FBXO4: variants seen among roughly 807,000 people sequenced by gnomAD.
The protein encoded by FBXO4 is F-box only protein 4.
In FBXO4, 36 loss-of-function variants were observed where a neutral mutation model predicts 43.7. The ratio of observed to expected loss-of-function variants is 0.82; its 90% CI spans 0.63 to 1.09. The LOEUF (loss-of-function observed/expected upper bound fraction) is 1.09. Ranked by LOEUF, FBXO4 falls within the 50% of genes least tolerant of loss-of-function variation. FBXO4 has a pLI of 0.00. For missense variants in FBXO4, 435 were observed against 474.1 expected, an observed-to-expected ratio of 0.92 and a Z score of 0.77; for synonymous variants, 180 against 165.6, an observed-to-expected ratio of 1.09 and a Z score of -0.67.
At chr5:41,964,074 T>C in the FBXO4 span, 1 of 152,104 alleles carries the variant, frequency 6.6e-6, no homozygotes. Flanking sequence ...ATAAGGAAAT[T>C]CCTCTGATGT....
At chr5:41,938,983 C>T (rs533061355) in intron 5 of FBXO4, among the ~76,000 whole-genome samples, 6 of 152,288 alleles carry the variant, frequency 3.9e-5, no homozygotes, top group East Asian at 3.9e-4. Context: ...TAAAGTCAAC[C>T]GTGTCTTAAA....
the FBXO4 span, among the ~76,000 whole-genome samples, chr5:41,965,907 C>G: frequency 6.6e-6 from 1 of 152,164 alleles, no homozygotes; most frequent in Non-Finnish European, 1.5e-5. Flanking sequence ...CCCAAATGTC[C>G]AACCATGATA....
At chr5:42,005,736 C>A in the FBXO4 span, among the ~76,000 whole-genome samples, 2 of 152,114 alleles carry the variant, frequency 1.3e-5, no homozygotes, top group Non-Finnish European at 2.9e-5. Flanking sequence ...CCCTTCCTTA[C>A]CAGTAGGGGG....
the FBXO4 span, among the ~76,000 whole-genome samples, chr5:42,004,765 G>T: frequency 6.6e-6 from 1 of 152,082 alleles, no homozygotes; most frequent in East Asian, 1.9e-4. Flanking sequence ...AAGTTTCTAC[G>T]CTTCAAATTC....
chr5:41,934,123 T>A lies in FBXO4; in HGVS notation c.723-10T>A, dbSNP rs367757201. The stretch of plus-strand genomic sequence containing the variant: ...CTTTTTATATTCTGTCTTTACAATT[T>A]TTTTTCTAGAAAGGAAAGAGATAGA... On this transcript the variant is annotated splice_polypyrimidine_tract_variant and intron_variant, in intron 4 of 6. Transcript: ENST00000281623. The A allele has an allele frequency of 2.5e-6, 4 of 1,613,628 alleles. No homozygotes were observed. In the African/African-American group the frequency reaches 5.3e-5, roughly 22 times the overall value.
chr5:42,015,142 CT>C, the FBXO4 span, among the ~76,000 whole-genome samples: 2 of 152,106 alleles, frequency 1.3e-5, no homozygotes, highest in Admixed American at 1.3e-4. Flanking sequence ...AAAAGCAACT[CT>C]TTCTTTAATT....
the FBXO4 span, among the ~76,000 whole-genome samples, chr5:42,019,227 A>G: frequency 6.6e-6 from 1 of 152,326 alleles, no homozygotes; most frequent in South Asian, 2.1e-4. Context: ...TGCTGTAAAT[A>G]TAAAATACAT....
the FBXO4 span, among the ~76,000 whole-genome samples, chr5:42,039,992 T>C: frequency 1.3e-5 from 2 of 152,108 alleles, no homozygotes; most frequent in African/African-American, 4.8e-5. Flanking sequence ...AAGAGGAAAC[T>C]GAGCCTCAGA....
At chr5:42,024,303 A>T in the FBXO4 span, among the ~76,000 whole-genome samples, 11 of 152,242 alleles carry the variant, frequency 7.2e-5, 1 homozygote, top group Non-Finnish European at 1.0e-4. Flanking sequence ...TCTTTCTAAA[A>T]GGTAATCATA....
the FBXO4 span, among the ~76,000 whole-genome samples, chr5:42,034,774 G>T: frequency 6.6e-6 from 1 of 152,148 alleles, no homozygotes; most frequent in Non-Finnish European, 1.5e-5. Context: ...TATCCTTGTA[G>T]TATAGTTTGA....
chr5:42,035,196 C>T, the FBXO4 span, among the ~76,000 whole-genome samples: 14 of 152,134 alleles, frequency 9.2e-5, no homozygotes, highest in Non-Finnish European at 1.6e-4. Flanking sequence ...GCTGAAGTTG[C>T]TTATCGGCTT....
At chr5:41,980,948 C>A in the FBXO4 span, among the ~76,000 whole-genome samples, 44 of 151,988 alleles carry the variant, frequency 2.9e-4, 1 homozygote, top group African/African-American at 8.9e-4. Context: ...GTCATTTAGA[C>A]CTTTTCTATA....
the FBXO4 span, among the ~76,000 whole-genome samples, chr5:42,032,528 G>A: frequency 2.0e-5 from 3 of 152,112 alleles, no homozygotes; most frequent in East Asian, 1.9e-4. Flanking sequence ...TAGACAATGG[G>A]AACTACTGCC....
the FBXO4 span, among the ~76,000 whole-genome samples, chr5:42,031,758 C>G: frequency 6.6e-6 from 1 of 151,942 alleles, no homozygotes; most frequent in Non-Finnish European, 1.5e-5. Context: ...TCTTCAGTGT[C>G]TGGCATTGAA....
At chr5:42,021,655 A>T in the FBXO4 span, among the ~76,000 whole-genome samples, 12 of 152,162 alleles carry the variant, frequency 7.9e-5, no homozygotes, top group African/African-American at 2.9e-4. Context: ...CTTAGAATTT[A>T]GGTGATGATT....
the FBXO4 span, among the ~76,000 whole-genome samples, chr5:42,039,710 G>A: frequency 1.8e-4 from 28 of 152,148 alleles, no homozygotes; most frequent in East Asian, 5.8e-4. Flanking sequence ...TAGTACTTCC[G>A]TGATAATGTT....
the FBXO4 span, among the ~76,000 whole-genome samples, chr5:42,036,121 G>A: frequency 1.3e-5 from 2 of 152,078 alleles, no homozygotes; most frequent in Non-Finnish European, 2.9e-5. Context: ...ATTACTTTGA[G>A]AACCACTGGG....
At chr5:42,037,385 T>C in the FBXO4 span, among the ~76,000 whole-genome samples, 1 of 152,192 alleles carries the variant, frequency 6.6e-6, no homozygotes, top group Admixed American at 6.6e-5. Flanking sequence ...TCATAAAATC[T>C]AAGCATATTA....
chr5:42,037,544 A>C, the FBXO4 span, among the ~76,000 whole-genome samples: 4 of 152,088 alleles, frequency 2.6e-5, no homozygotes, highest in Non-Finnish European at 4.4e-5. Flanking sequence ...CCACGTCCTC[A>C]TAGTTGTTTG....
Sources: allele counts gnomAD v4.1 joint callset (sites outside exome capture counted in the v4.1 genomes callset), GRCh38; gene constraint gnomAD v4.1.1; transcripts MANE v1.5; gene names NCBI Gene and HGNC (gene_info 2026-07-23, HGNC 2026-07-21).